Variants in ACCSL observed in about 807,000 individuals in gnomAD.
ACCSL encodes the protein 1-aminocyclopropane-1-carboxylate synthase homolog (inactive) like.
In ACCSL, 55 loss-of-function variants were observed where a neutral mutation model predicts 61.7. The ratio of observed to expected loss-of-function variants is 0.89; its 90% CI spans 0.72 to 1.12. The LOEUF is 1.12. ACCSL is among the 50% of genes most tolerant of loss of function. The pLI, the probability that ACCSL is intolerant of heterozygous loss-of-function variation, is 0.00. For missense variants in ACCSL, 632 were observed against 698.0 expected, an observed-to-expected ratio of 0.91 and a Z score of 1.07; for synonymous variants, 258 against 264.3, an observed-to-expected ratio of 0.98 and a Z score of 0.23.
the ACCSL span, among the ~76,000 whole-genome samples, chr11:44,013,515 A>T: frequency 3.9e-5 from 6 of 151,992 alleles, no homozygotes; most frequent in Non-Finnish European, 8.8e-5. Flanking sequence ...CTGGTCTCGA[A>T]CCCCTGACCT....
the ACCSL span, among the ~76,000 whole-genome samples, chr11:44,012,376 T>G: frequency 6.6e-6 from 1 of 151,930 alleles, no homozygotes; most frequent in Non-Finnish European, 1.5e-5. Context: ...AACCTCCGCC[T>G]CCCGTGTTCA....
the ACCSL span, among the ~76,000 whole-genome samples, chr11:44,017,574 A>G: frequency 1.4e-4 from 21 of 152,132 alleles, no homozygotes; most frequent in Non-Finnish European, 2.2e-4. Flanking sequence ...AGCTCTGTTC[A>G]TTTCCTGAAT....
At chr11:44,019,177 A>G in the ACCSL span, among the ~76,000 whole-genome samples, 26 of 152,248 alleles carry the variant, frequency 1.7e-4, no homozygotes, top group Admixed American at 2.6e-4. Flanking sequence ...TTAATCATCC[A>G]TCAGTCGATG....
At chr11:44,056,892 G>T (rs1485240989) in intron 11 of ACCSL, among the ~76,000 whole-genome samples, 2 of 152,202 alleles carry the variant, frequency 1.3e-5, no homozygotes, top group African/African-American at 4.8e-5. Flanking sequence ...GGTAGCTTGT[G>T]TTCTACCCAG....
Position 44,054,756 on chromosome 11 carries a change from G to A in ACCSL, c.1050-446G>A, listed in dbSNP as rs79242540. 4.8e-3 allele frequency among the ~76,000 whole-genome samples: 727 copies of A among 152,078 alleles called. 7 individuals are homozygous for A. Among genetic ancestry groups the A allele is most frequent in the African/African-American group, 0.017 (695 of 41,498 alleles). On this transcript the variant is annotated intron_variant, in intron 8 of 13. Coordinates refer to ENST00000378832, the MANE Select transcript of ACCSL (RefSeq NM_001031854.2). ...AGGCCTGAACCACCATGCCCGGCCC[G>A]CCTTAGTTTCTTCATCTAAAATGGA... is the stretch of plus-strand genomic sequence containing the variant.
At chr11:43,924,258 G>A in the ACCSL span, among the ~76,000 whole-genome samples, 1 of 152,256 alleles carries the variant, frequency 6.6e-6, no homozygotes, top group African/African-American at 2.4e-5. Context: ...GTCCGCAGTG[G>A]TCTGGGAGAG....
At chr11:44,030,223 G>A in the ACCSL span, among the ~76,000 whole-genome samples, 1 of 151,030 alleles carries the variant, frequency 6.6e-6, no homozygotes, top group East Asian at 1.9e-4. Context: ...CACTAGTAGT[G>A]ATTCCTCAGG....
In ACCSL at chr11:44,052,778, C is replaced by T; in HGVS notation, c.870+19C>T. On this transcript the variant is annotated intron_variant, in intron 6 of 13. Coordinates refer to ENST00000378832, the MANE Select transcript of ACCSL (RefSeq NM_001031854.2). ...GAGTGAGGTCTGAATGGGGCCCCTTCCCTGCTCAGTATGCCTAGACAATGG... is the reference window on the plus strand; with the variant it reads ...GAGTGAGGTCTGAATGGGGCCCCTTTCCTGCTCAGTATGCCTAGACAATGG... 6.2e-7 allele frequency: 1 copy of T among 1,602,386 alleles called. No individual in the cohort carries two copies. Among genetic ancestry groups the T allele is most frequent in the African/African-American group, 1.3e-5 (1 of 74,790 alleles).
At chr11:44,043,734 T>C (rs1182168786), upstream of ACCSL, among the ~76,000 whole-genome samples, 3 of 152,244 alleles carry the variant, frequency 2.0e-5, no homozygotes, top group African/African-American at 7.2e-5. Context: ...CTTGTCTTCA[T>C]GCCTTATTCC....
At chr11:43,997,272 C>T in the ACCSL span, among the ~76,000 whole-genome samples, 31,025 of 152,028 alleles carry the variant, frequency 0.2, 5,500 homozygotes, top group African/African-American at 0.47. Flanking sequence ...GCTGCTTCAC[C>T]GTGAGATGCT....
At chr11:43,987,935 C>G in the ACCSL span, among the ~76,000 whole-genome samples, 65 of 152,054 alleles carry the variant, frequency 4.3e-4, no homozygotes, top group African/African-American at 1.3e-3. Context: ...CCCCACCCCC[C>G]CGCAGGGAAT....
At chr11:43,975,288 G>A in the ACCSL span, among the ~76,000 whole-genome samples, 1 of 152,160 alleles carries the variant, frequency 6.6e-6, no homozygotes, top group Non-Finnish European at 1.5e-5. Context: ...ATAATTCTAA[G>A]CCTCTCCGGA....
the ACCSL span, among the ~76,000 whole-genome samples, chr11:43,931,715 A>G: frequency 6.6e-6 from 1 of 152,204 alleles, no homozygotes; most frequent in Admixed American, 6.5e-5. Flanking sequence ...GGCAAGAGTT[A>G]GGTGCTCAGG....
the ACCSL span, among the ~76,000 whole-genome samples, chr11:44,004,236 C>G: frequency 2.6e-5 from 4 of 151,970 alleles, no homozygotes; most frequent in Non-Finnish European, 1.5e-5. Context: ...TGCACAGAGG[C>G]TTGGAGTAGA....
chr11:44,042,354 T>G, the ACCSL span, among the ~76,000 whole-genome samples: 2 of 152,242 alleles, frequency 1.3e-5, no homozygotes, highest in African/African-American at 4.8e-5. Flanking sequence ...TTATTTCTCT[T>G]CTGGGATTAG....
At chr11:43,962,864 A>G in the ACCSL span, among the ~76,000 whole-genome samples, 1 of 152,230 alleles carries the variant, frequency 6.6e-6, no homozygotes, top group East Asian at 1.9e-4. Flanking sequence ...GATAGCCCTC[A>G]AGGAAGATGC....
At chr11:43,934,351 G>A in the ACCSL span, among the ~76,000 whole-genome samples, 1 of 152,160 alleles carries the variant, frequency 6.6e-6, no homozygotes, top group Non-Finnish European at 1.5e-5. Flanking sequence ...GGGAGGTGAG[G>A]GCCGGGACAG....
chr11:44,038,267 C>A, the ACCSL span, among the ~76,000 whole-genome samples: 3 of 152,168 alleles, frequency 2.0e-5, no homozygotes, highest in African/African-American at 2.4e-5. Flanking sequence ...GTGAGCCAAG[C>A]AGGTATCTGA....
chr11:44,048,328 T>C lies in ACCSL; in HGVS notation c.292T>C (p.Ser98Pro). The C allele has an allele frequency of 6.2e-7, 1 of 1,614,022 alleles. No individual in the cohort carries two copies. Among genetic ancestry groups the C allele is most frequent in the Non-Finnish European group, 8.5e-7 (1 of 1,179,954 alleles). ...CCTGGAGCTCCAAGTGCCTCTTCCT[T>C]CTGAGGACTCTAGGGGTGATGTCAG... is the stretch of plus-strand genomic sequence containing the variant. ...SGLELQVPLPSEDSRGDVRYG... is the reference protein window; with the variant it reads ...SGLELQVPLPPEDSRGDVRYG... The change falls in exon 1 of 14, where the codon TCT becomes CCT. Residue 98 changes from serine to proline, a missense_variant. By Grantham distance (74) the Ser-to-Pro change is moderately conservative. Coordinates refer to ENST00000378832, the MANE Select transcript of ACCSL (RefSeq NM_001031854.2).
Sources: allele counts gnomAD v4.1 joint callset (sites outside exome capture counted in the v4.1 genomes callset), GRCh38; gene constraint gnomAD v4.1.1; transcripts MANE v1.5; gene names NCBI Gene and HGNC (gene_info 2026-07-23, HGNC 2026-07-21).